FMNL1: variants seen among roughly 807,000 people sequenced by gnomAD.
The protein encoded by FMNL1 is formin-like protein 1.
In FMNL1, 43 loss-of-function variants were observed where a neutral mutation model predicts 121.3. The observed-to-expected ratio is 0.35, with a 90% CI of 0.28 to 0.46. The LOEUF (loss-of-function observed/expected upper bound fraction) is 0.46. Ranked by LOEUF, FMNL1 falls within the 20% of genes least tolerant of loss-of-function variation. The pLI, the probability that FMNL1 is intolerant of heterozygous loss-of-function variation, is 1.00. For missense variants in FMNL1, 1,191 were observed against 1,482.4 expected (o/e 0.80, Z 3.23); for synonymous variants, 613 against 613.5 (o/e 1.00, Z 0.01).
intron 1 of FMNL1, among the ~76,000 whole-genome samples, chr17:45,229,519 T>C (rs967219350): frequency 8.5e-5 from 13 of 152,336 alleles, no homozygotes; most frequent in South Asian, 2.1e-4. Context: ...ACATCCCCGA[T>C]GGAGACTCTT....
Position 45,243,837 on chromosome 17 carries a change from C to G in FMNL1, c.2260C>G (p.Arg754Gly), listed in dbSNP as rs780161644. The G allele has an allele frequency of 6.2e-7, 1 of 1,613,406 alleles. No homozygotes were observed. The highest frequency in any genetic ancestry group is 1.1e-5 in the South Asian group (1 of 91,080). Residue 754 changes from arginine (R) to glycine (G), a missense_variant, in exon 18 of 27, where the codon CGC (arginine) becomes GGC (glycine). Physicochemically the swap from Arg to Gly is moderately radical, Grantham distance 125 (BLOSUM62 -2). Transcript: ENST00000331495. ...CCTGGACTTCCTGGAGCTGCTGATG[C>G]GCTTCCTGCCCACAGAGTATGAGCG... ...LGLDFLELLM[R>G]FLPTEYERSL...
rs529336671 is a variant in FMNL1, at chr17:45,244,981, G to A, written c.2601G>A (p.Leu867=). ...GCTTACAATGGGTCCTTGTGCAGCT[G>A]TTGGAGATGAAGTCGACTGATCGCA... ...YGFRLQSLDA[L]LEMKSTDRKQ... Residue 867 remains leucine (L), a splice_region_variant and synonymous_variant, in exon 21 of 27, where the codon CTG becomes CTA. Coordinates refer to ENST00000331495, the MANE Select transcript of FMNL1 (RefSeq NM_005892.4). The A allele has an allele frequency of 1.2e-6, 2 of 1,613,274 alleles. No individual in the cohort carries two copies. The highest frequency in any genetic ancestry group is 3.3e-5 in the Admixed American group (2 of 60,004).
rs767742597 is a variant in FMNL1 at position 45,234,146 on chromosome 17, A to C, written c.560A>C (p.Asp187Ala). 6.2e-7 allele frequency: 1 copy of C among 1,614,036 alleles called. No homozygotes were observed. Among genetic ancestry groups the C allele is most frequent in the Non-Finnish European group, 8.5e-7 (1 of 1,180,012 alleles). ...KNKPLEQSVE[D>A]LSKGPPSSVP... Reference sequence around the variant, plus strand: ...AAGCCCCTGGAGCAGTCTGTGGAAGACCTCAGCAAGGGTCCACCCTCCTCC... The same window carrying C: ...AAGCCCCTGGAGCAGTCTGTGGAAGCCCTCAGCAAGGGTCCACCCTCCTCC... The change falls in exon 6 of 27, where the codon GAC (aspartate) becomes GCC (alanine). Residue 187 changes from aspartate to alanine, a missense_variant. Transcript: ENST00000331495.
chr17:45,228,642 G>A (rs1377106251), intron 1 of FMNL1, among the ~76,000 whole-genome samples: 1 of 152,222 alleles, frequency 6.6e-6, no homozygotes, highest in Non-Finnish European at 1.5e-5. Flanking sequence ...TAGGCATTCT[G>A]GTGGAGCTGG....
At position 45,234,195 on chromosome 17, in the gene FMNL1, C is replaced by T. The variant is rs369158547; in HGVS notation, c.609C>T (p.Thr203=). The T allele has an allele frequency of 6.2e-7, 1 of 1,614,134 alleles. No homozygotes were observed. Among genetic ancestry groups the T allele is most frequent in the Non-Finnish European group, 8.5e-7 (1 of 1,180,028 alleles). Residue 203 remains threonine (T), a synonymous_variant, in exon 6 of 27, where the codon ACC becomes ACT. Coordinates refer to ENST00000331495, the MANE Select transcript of FMNL1 (RefSeq NM_005892.4). The stretch of plus-strand genomic sequence containing the variant: ...CCGTGCCCAAAAGCCGCCACCTGAC[C>T]ATCAAGTATGTGGGCCACAAAGTGG... ...PSSVPKSRHL[T]IKLTPAHSRK...
In FMNL1 at chr17:45,241,171, A is replaced by T; in HGVS notation, c.1273A>T (p.Lys425Ter). The change falls in exon 13 of 27, where the codon AAG (lysine) becomes TAG (stop). Residue 425 changes from lysine to a stop codon, truncating the protein, a stop_gained. Transcript: ENST00000331495. LOFTEE classifies it high-confidence loss of function. This position sits in a 1 kb window ranked among gnomAD's most constrained non-coding sequence, Gnocchi z 7.0. ...GGACGCGGAGAACGAATCCATGGCC[A>T]AGATTGCAGAACTGGAAAAACAGCT... ...LRDAENESMAKIAELEKQLSQ... is the reference protein window; with the variant it reads ...LRDAENESMA 1 of 1,614,064 alleles carries T rather than the reference A, an allele frequency of 6.2e-7. No individual in the cohort carries two copies. The highest frequency in any genetic ancestry group is 8.5e-7 in the Non-Finnish European group (1 of 1,179,930).
Position 45,222,210 on chromosome 17 carries a change from T to A in FMNL1, c.86T>A (p.Met29Lys). Residue 29 changes from methionine (M) to lysine (K), a missense_variant, in exon 1 of 27, where the codon ATG (methionine) becomes AAG (lysine). Met to Lys is a moderately conservative substitution (Grantham distance 95, BLOSUM62 -1). Transcript: ENST00000331495. ...PKQPAPPKQP[M>K]PAAGELEERF... The stretch of plus-strand genomic sequence containing the variant: ...CAGCCCGCGCCTCCCAAGCAGCCGA[T>A]GCCCGCGGCCGGAGAGCTGGAGGAG... The A allele has an allele frequency of 1.6e-6, 2 of 1,250,124 alleles. No individual in the cohort carries two copies. The highest frequency in any genetic ancestry group is 2.0e-6 in the Non-Finnish European group (2 of 991,686). The allele number at this position is 1,250,124 out of a possible 1,614,324, so 77.4% of individuals were successfully genotyped here. A position where few individuals can be genotyped will look rare whatever the true frequency, so the allele number is the denominator to read the frequency against.
At chr17:45,228,134 G>A (rs1345647450) in intron 1 of FMNL1, among the ~76,000 whole-genome samples, 1 of 152,182 alleles carries the variant, frequency 6.6e-6, no homozygotes, top group Admixed American at 6.5e-5. Context: ...TCCACCCCGA[G>A]TGAGTGGCAT....
intron 9 of FMNL1, chr17:45,238,205 A>G: frequency 4.1e-6 from 1 of 242,190 alleles, no homozygotes; most frequent in Non-Finnish European, 8.1e-6. Flanking sequence ...GCAATGTTGC[A>G]GAGGGAGGGG....
chr17:45,223,393 C>T (rs1785289054), intron 1 of FMNL1, among the ~76,000 whole-genome samples: 1 of 152,242 alleles, frequency 6.6e-6, no homozygotes, highest in African/African-American at 2.4e-5. Context: ...CTCAGCATGG[C>T]TCCAGAGGGT....
In FMNL1 at chr17:45,240,959, CCTT is replaced by C. The variant is rs1241563651; in HGVS notation, c.1231-169_1231-167del. On this transcript the variant is annotated intron_variant, in intron 12 of 26. Transcript: ENST00000331495. Reference sequence around the variant, plus strand: ...CATCACTGGTACCTTGGTTTCCTCTCCTTATTTGCTTGGGTTCGAGTGCCAGGC... The same window carrying C: ...CATCACTGGTACCTTGGTTTCCTCTCATTTGCTTGGGTTCGAGTGCCAGGC... 40 of 818,812 alleles carry C rather than the reference CCTT, an allele frequency of 4.9e-5. 1 individual carries two copies. In the Admixed American group the frequency reaches 9.5e-4, roughly 19 times the overall value. The allele number at this position is 818,812 out of a possible 1,614,324, so 50.7% of individuals were successfully genotyped here. A position where few individuals can be genotyped will look rare whatever the true frequency, so the allele number is the denominator to read the frequency against.
rs201510672 is a variant in FMNL1 at position 45,232,517 on chromosome 17, C to A, written c.327+37C>A. 5.5e-5 allele frequency: 88 copies of A among 1,597,938 alleles called. 1 individual carries two copies. In the African/African-American group the frequency reaches 9.8e-4, roughly 18 times the overall value. Reference sequence around the variant, plus strand: ...CCCTCTTTACTCTGTCCCTTTCCCCCACATTTTCCAAGCTCTGGGCAGCTG... The same window carrying A: ...CCCTCTTTACTCTGTCCCTTTCCCCAACATTTTCCAAGCTCTGGGCAGCTG... On this transcript the variant is annotated intron_variant, in intron 3 of 26. Transcript: ENST00000331495.
At chr17:45,242,231 G>T in intron 15 of FMNL1, 85 bp downstream of exon 15, 1 of 1,569,080 alleles carries the variant, frequency 6.4e-7, no homozygotes, top group Non-Finnish European at 8.7e-7. Context: ...AGGGTCCTCT[G>T]CCTGGGGGCC....
In FMNL1 at chr17:45,231,250, CATGG is replaced by C; in HGVS notation, c.213+564_213+567del. 6.6e-6 allele frequency among the ~76,000 whole-genome samples: 1 copy of C among 152,088 alleles called. No individual in the cohort carries two copies. The highest frequency in any genetic ancestry group is 2.4e-5 in the African/African-American group (1 of 41,362). On this transcript the variant is annotated intron_variant, in intron 2 of 26. Transcript: ENST00000331495. The surrounding 1 kb of genome is among the most constrained non-coding windows in gnomAD (Gnocchi z 4.7). ...TCCAGCTTCAAGGGCTGCGGTCGGC[CATGG>C]GCCGACCCTCTCCCAGCGCTGGGCT...
In FMNL1 at chr17:45,222,175, G is replaced by GC; in HGVS notation, c.57dup (p.Lys20GlnfsTer41). 9 of 1,216,704 alleles carry GC rather than the reference G, an allele frequency of 7.4e-6. No homozygotes were observed. In the South Asian group the frequency reaches 9.3e-5, roughly 13 times the overall value. 75.4% of individuals were successfully genotyped at this position (1,216,704 alleles called of 1,614,324 possible). On this transcript the variant is annotated frameshift_variant, in exon 1 of 27. Transcript: ENST00000331495. LOFTEE classifies it high-confidence loss of function. ...AGCAGCCCGCGGGCCCCGCCGCGCC[G>GC]CCCCCCAAGCAGCCCGCGCCTCCCA... is the stretch of plus-strand genomic sequence containing the variant.
Position 45,240,644 on chromosome 17 carries a change from C to T in FMNL1, c.1230+19C>T. The T allele has an allele frequency of 6.2e-7, 1 of 1,608,624 alleles. No homozygotes were observed. The highest frequency in any genetic ancestry group is 8.5e-7 in the Non-Finnish European group (1 of 1,177,728). ...GGCGCTGGTGAGAGTGGGTCCTGACCCCAGCCCAGCACATCATAGGCCCAC... is the reference window on the plus strand; with the variant it reads ...GGCGCTGGTGAGAGTGGGTCCTGACTCCAGCCCAGCACATCATAGGCCCAC... On this transcript the variant is annotated intron_variant, in intron 12 of 26. Transcript: ENST00000331495.
chr17:45,240,808 C>G (rs556541257), intron 12 of FMNL1, 183 bp downstream of exon 12: 2 of 922,506 alleles, frequency 2.2e-6, no homozygotes, highest in African/African-American at 1.7e-5. Context: ...GTGTCTTTCT[C>G]AATGAGTGTG....
rs755976922 is a variant in FMNL1 at position 45,246,566 on chromosome 17, G to A, written c.3273G>A (p.Glu1091=). The change falls in exon 26 of 27, where the codon GAG becomes GAA. Residue 1091 remains glutamate (E), a synonymous_variant. Transcript: ENST00000331495. ...AGCGGACATCCCGGCTCCTCTGTGAGGCCAGCCTGGGAGAAGAGATGCCCC... is the reference window on the plus strand; with the variant it reads ...AGCGGACATCCCGGCTCCTCTGTGAAGCCAGCCTGGGAGAAGAGATGCCCC... ...TGKRTSRLLC[E]ASLGEEMPL is the part of the protein sequence containing the mutation. 11 of 1,611,450 alleles carry A rather than the reference G, an allele frequency of 6.8e-6. No homozygotes were observed. Among genetic ancestry groups the A allele is most frequent in the South Asian group, 1.1e-5 (1 of 90,992 alleles).
chr17:45,234,867 G>A (rs763696671), intron 6 of FMNL1: 3 of 154,072 alleles, frequency 1.9e-5, no homozygotes, highest in Non-Finnish European at 2.9e-5. Flanking sequence ...GCCATCTAGG[G>A]GCAGGTGCAT....
Sources: gnomAD v4.1 joint callset for allele counts (sites outside exome capture counted in the v4.1 genomes callset) on GRCh38, gnomAD v4.1.1 for gene constraint, Gnocchi (gnomAD v3.1) non-coding constraint, MANE v1.5 for transcripts, NCBI Gene and HGNC (gene_info 2026-07-23, HGNC 2026-07-21) for gene names.